Variants in PIK3CA observed in about 807,000 individuals in gnomAD.
PIK3CA encodes phosphatidylinositol 4,5-bisphosphate 3-kinase catalytic subunit alpha isoform.
PIK3CA carries 27 observed loss-of-function variants against 138.2 expected under a neutral mutation model. The ratio of observed to expected loss-of-function variants is 0.20; its 90% CI spans 0.14 to 0.27. The LOEUF (loss-of-function observed/expected upper bound fraction) is 0.27, where lower values mean the gene tolerates loss of function less well. PIK3CA is among the 10% of genes least tolerant of loss of function. The probability of loss-of-function intolerance (pLI) is 1.00; values close to 1 mark genes in which losing one functional copy is unlikely to be tolerated. For synonymous variants in PIK3CA, 358 were observed against 413.2 expected (o/e 0.87, Z 1.62); for missense variants, 544 against 1,277.4 (o/e 0.43, Z 8.75).
intron 1 of PIK3CA, among the ~76,000 whole-genome samples, chr3:179,175,094 T>A (rs1723662972): frequency 6.6e-6 from 1 of 152,254 alleles, no homozygotes; most frequent in South Asian, 2.1e-4. Context: ...CTGCTTCCTG[T>A]GTTGAAGCAT....
intron 1 of PIK3CA, among the ~76,000 whole-genome samples, chr3:179,171,309 A>C (rs531877540): frequency 6.6e-6 from 1 of 152,072 alleles, no homozygotes; most frequent in African/African-American, 2.4e-5. Flanking sequence ...GCTAAGAAAG[A>C]AATGTTTGGC....
rs1241651362 is a variant in PIK3CA, at chr3:179,234,080, C to G, written c.2937-14C>G. ...TTTGCTCCAAACTGACCAAACTGTT[C>G]TTATTACTTATAGGTTTCAGGAGAT... On this transcript the variant is annotated splice_polypyrimidine_tract_variant and intron_variant, in intron 20 of 20. Coordinates refer to ENST00000263967, the MANE Select transcript of PIK3CA (RefSeq NM_006218.4). This position sits in a 1 kb window ranked among gnomAD's most constrained non-coding sequence, Gnocchi z 5.1. 3 of 1,586,256 alleles carry G rather than the reference C, an allele frequency of 1.9e-6. No individual in the cohort carries two copies. Among genetic ancestry groups the G allele is most frequent in the Non-Finnish European group, 2.6e-6 (3 of 1,160,564 alleles).
At chr3:179,200,220 A>C (rs1287519031) in intron 3 of PIK3CA, among the ~76,000 whole-genome samples, 4 of 152,028 alleles carry the variant, frequency 2.6e-5, no homozygotes, top group Non-Finnish European at 5.9e-5. Context: ...AAAAACTATA[A>C]ATAGAAACAT....
At chr3:179,225,857 G>A in intron 16 of PIK3CA, 105 bp from the exon 17 acceptor site, 1 of 597,766 alleles carries the variant, frequency 1.7e-6, no homozygotes. Flanking sequence ...CTTTTGAAGA[G>A]TAAATATAGC....
rs555173882 is a variant in PIK3CA, at chr3:179,175,434, G to A, written c.-76-23316G>A. ...ATTAATCTCTTCTCTTCATTTTATG[G>A]TATGGTACCTTGGTGTGCATCGTTT... On this transcript the variant is annotated intron_variant, in intron 1 of 20. Coordinates refer to ENST00000263967, the MANE Select transcript of PIK3CA (RefSeq NM_006218.4). Among the ~76,000 whole-genome samples, 4 of 151,744 alleles carry A rather than the reference G, an allele frequency of 2.6e-5. No individual in the cohort carries two copies. The East Asian group carries it at 5.8e-4, about 22-fold the overall frequency.
chr3:179,227,033 G>C (rs1725098731), intron 17 of PIK3CA, among the ~76,000 whole-genome samples: 1 of 152,052 alleles, frequency 6.6e-6, no homozygotes. Context: ...CTAAGAAAGA[G>C]TAAAGGAGAT....
Position 179,236,445 on chromosome 3 carries a change from T to A in PIK3CA, c.*2081T>A. 4.7e-6 allele frequency: 1 copy of A among 214,510 alleles called. No homozygotes were observed. The highest frequency in any genetic ancestry group is 7.0e-5 in the East Asian group (1 of 14,200). 13.3% of individuals were successfully genotyped at this position (214,510 alleles called of 1,614,324 possible). On this transcript the variant is annotated 3_prime_UTR_variant, in exon 21 of 21. Transcript: ENST00000263967. ...TATAGGCAGTTGATACATACTAACA[T>A]CCCAGCCTTTTCAATATCAGGGTTA...
chr3:179,205,942 G>T (rs1451668019), intron 6 of PIK3CA, among the ~76,000 whole-genome samples: 1 of 152,180 alleles, frequency 6.6e-6, no homozygotes, highest in Non-Finnish European at 1.5e-5. Context: ...CACCCTTTTA[G>T]AGCCTAGGTA....
intron 1 of PIK3CA, among the ~76,000 whole-genome samples, chr3:179,165,543 C>T (rs1175381681): frequency 6.6e-6 from 1 of 152,128 alleles, no homozygotes; most frequent in Non-Finnish European, 1.5e-5. Flanking sequence ...AGGCATGAGC[C>T]ACTGTGTTGA....
rs926963470 is a variant in PIK3CA, at chr3:179,236,712, T to C, written c.*2348T>C. On this transcript the variant is annotated 3_prime_UTR_variant, in exon 21 of 21. Coordinates refer to ENST00000263967, the MANE Select transcript of PIK3CA (RefSeq NM_006218.4). ...TGGCCGATTTCACCATTTACATTTA[T>C]TTTCAAAAGTTACTACAACCAAATT... 8.9e-6 allele frequency: 2 copies of C among 223,994 alleles called. No individual in the cohort carries two copies. Among genetic ancestry groups the C allele is most frequent in the African/African-American group, 4.5e-5 (2 of 44,792 alleles). The allele number at this position is 223,994 out of a possible 1,614,324, so 13.9% of individuals were successfully genotyped here. A position where few individuals can be genotyped will look rare whatever the true frequency, so the allele number is the denominator to read the frequency against.
chr3:179,202,165 A>C (rs1450766744), intron 4 of PIK3CA, among the ~76,000 whole-genome samples: 1 of 152,096 alleles, frequency 6.6e-6, no homozygotes, highest in African/African-American at 2.4e-5. Context: ...CCCAGGCTCA[A>C]GCAGTCCTCT....
At chr3:179,227,438 G>T (rs1725109215) in intron 17 of PIK3CA, among the ~76,000 whole-genome samples, 1 of 151,848 alleles carries the variant, frequency 6.6e-6, no homozygotes, top group Non-Finnish European at 1.5e-5. Flanking sequence ...TATTTACGAG[G>T]GCAGGTAGAA....
chr3:179,184,305 C>G (rs1447615922), intron 1 of PIK3CA, among the ~76,000 whole-genome samples: 3 of 152,182 alleles, frequency 2.0e-5, no homozygotes, highest in Non-Finnish European at 4.4e-5. Context: ...GTCCTTGCAA[C>G]AGCCAGCTAG....
intron 3 of PIK3CA, among the ~76,000 whole-genome samples, chr3:179,200,284 A>T (rs1244591267): frequency 6.6e-6 from 1 of 152,084 alleles, no homozygotes. Flanking sequence ...TATCATAAAT[A>T]CACCAGAAAA....
intron 17 of PIK3CA, among the ~76,000 whole-genome samples, chr3:179,227,275 A>C (rs182925067): frequency 1.1e-4 from 17 of 152,186 alleles, no homozygotes; most frequent in African/African-American, 3.6e-4. Context: ...GCAAAACTAT[A>C]ATTCAGAATC....
At chr3:179,164,076 A>C (rs1015792059) in intron 1 of PIK3CA, among the ~76,000 whole-genome samples, 2 of 152,246 alleles carry the variant, frequency 1.3e-5, no homozygotes, top group Non-Finnish European at 2.9e-5. Flanking sequence ...AATGTTTATG[A>C]AGAGTTTACA....
At chr3:179,198,221 C>A (rs1048667283) in intron 1 of PIK3CA, among the ~76,000 whole-genome samples, 3 of 152,068 alleles carry the variant, frequency 2.0e-5, no homozygotes, top group African/African-American at 7.2e-5. Context: ...AGACAAAAGA[C>A]TAAGCCATAA....
intron 1 of PIK3CA, among the ~76,000 whole-genome samples, chr3:179,152,286 A>G (rs1024126597): frequency 6.6e-6 from 1 of 152,196 alleles, no homozygotes; most frequent in Admixed American, 6.5e-5. Context: ...ATTATCATAT[A>G]TAGTACTGCA....
At chr3:179,204,640 G>C in intron 6 of PIK3CA, 52 bp downstream of exon 6, 1 of 895,092 alleles carries the variant, frequency 1.1e-6, no homozygotes, top group Non-Finnish European at 1.8e-6. Flanking sequence ...GTGTTTAGCA[G>C]TATGATCCAT....
Sources: gnomAD v4.1 joint callset for allele counts (sites outside exome capture counted in the v4.1 genomes callset) on GRCh38, gnomAD v4.1.1 for gene constraint, Gnocchi (gnomAD v3.1) non-coding constraint, MANE v1.5 for transcripts, NCBI Gene and HGNC (gene_info 2026-07-23, HGNC 2026-07-21) for gene names.